FAM227B: variants seen among roughly 807,000 people sequenced by gnomAD.
FAM227B encodes the protein protein FAM227B.
FAM227B carries 88 observed loss-of-function variants against 73.8 expected under a neutral mutation model. The ratio of observed to expected loss-of-function variants is 1.19; its 90% CI spans 1.00 to 1.42. The LOEUF is 1.42. Among genes scored for constraint, FAM227B ranks in the 40% most tolerant of loss-of-function variants. The pLI is 0.00. For synonymous variants in FAM227B, 210 were observed against 190.5 expected, an observed-to-expected ratio of 1.10 and a Z score of -0.84; for missense variants, 632 against 590.9, an observed-to-expected ratio of 1.07 and a Z score of -0.72.
intron 10 of FAM227B, among the ~76,000 whole-genome samples, chr15:49,531,114 C>T (rs911547648): frequency 4.6e-5 from 7 of 151,638 alleles, no homozygotes; most frequent in African/African-American, 1.7e-4. Context: ...AAATTATAAA[C>T]ATGAAATTCT....
At chr15:49,379,234 A>G (rs1282693969) in intron 11 of FAM227B, among the ~76,000 whole-genome samples, 1 of 152,148 alleles carries the variant, frequency 6.6e-6, no homozygotes, top group Non-Finnish European at 1.5e-5. Context: ...TTTCACATCA[A>G]TATTAATCAG....
chr15:49,561,836 T>C (rs1215613255), intron 9 of FAM227B, among the ~76,000 whole-genome samples: 1 of 152,122 alleles, frequency 6.6e-6, no homozygotes, highest in African/African-American at 2.4e-5. Context: ...ATTTCTGGTA[T>C]GCAGCCAAAG....
At chr15:49,518,196 T>C (rs1021306940) in intron 10 of FAM227B, among the ~76,000 whole-genome samples, 1 of 152,228 alleles carries the variant, frequency 6.6e-6, no homozygotes. Context: ...TGCTCAGCTT[T>C]AGTAGATATT....
At chr15:49,431,889 A>C (rs1390157711) in intron 11 of FAM227B, among the ~76,000 whole-genome samples, 3 of 151,704 alleles carry the variant, frequency 2.0e-5, no homozygotes, top group Non-Finnish European at 4.4e-5. Flanking sequence ...AAAACCACTA[A>C]AATGCTGGGG....
intron 3 of FAM227B, among the ~76,000 whole-genome samples, chr15:49,604,721 C>T (rs998338805): frequency 6.6e-6 from 1 of 151,858 alleles, no homozygotes; most frequent in South Asian, 2.1e-4. Flanking sequence ...GTCTCATAGG[C>T]TTTATTCACT....
intron 9 of FAM227B, among the ~76,000 whole-genome samples, chr15:49,558,738 C>T (rs1022922246): frequency 2.6e-5 from 4 of 152,152 alleles, no homozygotes; most frequent in African/African-American, 9.7e-5. Flanking sequence ...TCTGGCACAG[C>T]CCTTTCAGGA....
At chr15:49,553,784 C>A (rs1389700783) in intron 9 of FAM227B, among the ~76,000 whole-genome samples, 2 of 152,172 alleles carry the variant, frequency 1.3e-5, no homozygotes, top group Non-Finnish European at 2.9e-5. Context: ...TGGGACACAA[C>A]CTTCAGGGAA....
At chr15:49,390,637 T>A (rs534876987) in intron 11 of FAM227B, among the ~76,000 whole-genome samples, 1 of 152,206 alleles carries the variant, frequency 6.6e-6, no homozygotes, top group South Asian at 2.1e-4. Context: ...TTATCCTCCC[T>A]CCTATCTCAC....
At chr15:49,482,146 C>G (rs1245761379) in intron 11 of FAM227B, among the ~76,000 whole-genome samples, 1 of 152,070 alleles carries the variant, frequency 6.6e-6, no homozygotes, top group Non-Finnish European at 1.5e-5. Context: ...TGTCTCAGGA[C>G]TGTACCTTCA....
In FAM227B at chr15:49,345,509, C is replaced by T. The variant is rs75299298; in HGVS notation, c.1272-10013G>A. ...GACACTTATAACTATAAATTTTTTC[C>T]GAATTAGATAAAACAGAATACTTAG... On this transcript the variant is annotated intron_variant, in intron 13 of 15. Transcript: ENST00000299338. Among the ~76,000 whole-genome samples the T allele has an allele frequency of 5.9e-3, 890 of 152,110 alleles. 42 individuals carry two copies. The East Asian group carries it at 0.12, about 20-fold the overall frequency.
rs977641840 is a variant in FAM227B at position 49,546,357 on chromosome 15, G to A, written c.748-4551C>T. Among the ~76,000 whole-genome samples the A allele has an allele frequency of 1.5e-4, 23 of 152,134 alleles. No homozygotes were observed. The Middle Eastern group carries it at 0.01, about 67-fold the overall frequency. ...CCACATTTTCTTAATCCAGTCTATC[G>A]TTGTTGGACATTTACGTTGGTTCCA... On this transcript the variant is annotated intron_variant, in intron 9 of 15. Coordinates refer to ENST00000299338, the MANE Select transcript of FAM227B (RefSeq NM_152647.3).
intron 10 of FAM227B, among the ~76,000 whole-genome samples, chr15:49,523,843 T>C (rs1251379757): frequency 1.3e-5 from 2 of 152,222 alleles, no homozygotes; most frequent in African/African-American, 4.8e-5. Flanking sequence ...ACTCTTGTTA[T>C]ATTTTAGCAA....
intron 13 of FAM227B, chr15:49,366,599 A>G: frequency 6.2e-7 from 1 of 1,600,786 alleles, no homozygotes; most frequent in South Asian, 1.1e-5. Context: ...CGCATGCAAG[A>G]TTGCTTCCTG....
chr15:49,578,469 C>CACAGATAGATAG (rs1555551388), intron 5 of FAM227B, among the ~76,000 whole-genome samples: 4 of 151,352 alleles, frequency 2.6e-5, no homozygotes. Flanking sequence ...TATAGACAGA[C>CACAGATAGATAG]ATAGATAGAT....
chr15:49,406,174 C>T lies in FAM227B; in HGVS notation c.1013-34775G>A, dbSNP rs1422914936. On this transcript the variant is annotated intron_variant, in intron 11 of 15. Transcript: ENST00000299338. ...GTCACTGCATTCTGATGGGTGGTGT[C>T]GGTCAAAGCTTTTCATAGCGCAGTG... Among the ~76,000 whole-genome samples, 4 of 152,130 alleles carry T rather than the reference C, an allele frequency of 2.6e-5. No individual in the cohort carries two copies. The East Asian group carries it at 5.8e-4, about 22-fold the overall frequency.
rs1052749515 is a variant in FAM227B at position 49,422,876 on chromosome 15, T to C, written c.1013-51477A>G. On this transcript the variant is annotated intron_variant, in intron 11 of 15. Coordinates refer to ENST00000299338, the MANE Select transcript of FAM227B (RefSeq NM_152647.3). ...TAACATTCTGAGCACAAAGAAGTAA[T>C]TGAAGAAATGCATGTATCATAAAGC... is the stretch of plus-strand genomic sequence containing the variant. Among the ~76,000 whole-genome samples the C allele has an allele frequency of 3.9e-4, 60 of 152,196 alleles. 1 individual carries two copies. The highest frequency in any genetic ancestry group is 3.2e-3 in the Admixed American group (49 of 15,262).
intron 11 of FAM227B, among the ~76,000 whole-genome samples, chr15:49,459,091 A>G (rs191786359): frequency 5.1e-4 from 78 of 152,300 alleles, no homozygotes; most frequent in Non-Finnish European, 9.6e-4. Context: ...AAATACAAAC[A>G]TTACTGAATA....
intron 11 of FAM227B, among the ~76,000 whole-genome samples, chr15:49,476,729 C>G (rs2055355903): frequency 6.6e-6 from 1 of 152,096 alleles, no homozygotes; most frequent in African/African-American, 2.4e-5. Flanking sequence ...AATTAGTAGA[C>G]TTTGTATTTT....
intron 10 of FAM227B, among the ~76,000 whole-genome samples, chr15:49,539,299 G>A (rs2070722744): frequency 6.6e-6 from 1 of 152,204 alleles, no homozygotes; most frequent in African/African-American, 2.4e-5. Flanking sequence ...TACAAAGGCT[G>A]CTGGGATCTT....
Sources: allele counts gnomAD v4.1 joint callset (sites outside exome capture counted in the v4.1 genomes callset), GRCh38; gene constraint gnomAD v4.1.1; transcripts MANE v1.5; gene names NCBI Gene and HGNC (gene_info 2026-07-23, HGNC 2026-07-21).